FARS2: variants seen among roughly 807,000 people sequenced by gnomAD.
FARS2 encodes the protein phenylalanyl-tRNA synthetase 2, mitochondrial.
Under a neutral mutation model 46.4 loss-of-function variants are expected in FARS2, and 40 were observed. The observed-to-expected ratio is 0.86, with a 90% confidence interval of 0.67 to 1.12. FARS2 has a LOEUF of 1.12. Among genes scored for constraint, FARS2 ranks in the 50% most tolerant of loss-of-function variants. FARS2 has a pLI of 0.00. For missense variants in FARS2, 513 were observed against 567.9 expected, an observed-to-expected ratio of 0.90 and a Z score of 0.98; for synonymous variants, 234 against 214.9, an observed-to-expected ratio of 1.09 and a Z score of -0.78.
At chr6:5,602,031 T>C (rs189796389) in intron 5 of FARS2, among the ~76,000 whole-genome samples, 1 of 151,998 alleles carries the variant, frequency 6.6e-6, no homozygotes, top group African/African-American at 2.4e-5. Context: ...ATTTCTGAGC[T>C]GAGAAAGAAA....
chr6:5,494,124 T>G (rs60356198), intron 4 of FARS2, among the ~76,000 whole-genome samples: 14,897 of 146,304 alleles, frequency 0.1, 917 homozygotes, highest in African/African-American at 0.16. Context: ...CCTTTTTTTT[T>G]TCTTTTTTTT....
At chr6:5,531,178 A>C (rs953127166) in intron 4 of FARS2, among the ~76,000 whole-genome samples, 2 of 152,028 alleles carry the variant, frequency 1.3e-5, no homozygotes, top group African/African-American at 2.4e-5. Flanking sequence ...ATTTTATATC[A>C]CTCACATCTC....
intron 5 of FARS2, among the ~76,000 whole-genome samples, chr6:5,580,027 C>T (rs1773233553): frequency 6.6e-6 from 1 of 151,990 alleles, no homozygotes; most frequent in Non-Finnish European, 1.5e-5. Flanking sequence ...CGCAGTGGCT[C>T]ATGCCTGTAA....
intron 6 of FARS2, among the ~76,000 whole-genome samples, chr6:5,614,164 T>C (rs959846501): frequency 6.6e-5 from 10 of 152,110 alleles, no homozygotes; most frequent in Admixed American, 4.6e-4. Flanking sequence ...AGTGGGAAGC[T>C]ATAGAAGGAT....
chr6:5,525,596 CTG>C (rs1166276183), intron 4 of FARS2, among the ~76,000 whole-genome samples: 2 of 152,164 alleles, frequency 1.3e-5, no homozygotes, highest in Non-Finnish European at 2.9e-5. Context: ...ATAAAGAAAA[CTG>C]TGTGAGTGTC....
intron 6 of FARS2, among the ~76,000 whole-genome samples, chr6:5,667,616 A>G (rs1778211867): frequency 6.6e-6 from 1 of 152,214 alleles, no homozygotes. Context: ...ATTTGGCATT[A>G]AAGATAACCC....
chr6:5,517,304 G>A lies in FARS2; in HGVS notation c.905-27876G>A, dbSNP rs573866856. ...ATATGGCTTGTTCCAACAGATATGT[G>A]CTTTAAGTATAAATATACACTGAGG... On this transcript the variant is annotated intron_variant, in intron 4 of 6. Coordinates refer to ENST00000274680, the MANE Select transcript of FARS2 (RefSeq NM_006567.5). Among the ~76,000 whole-genome samples the A allele has an allele frequency of 4.6e-5, 7 of 152,178 alleles. No homozygotes were observed. The South Asian group carries it at 6.2e-4, about 14-fold the overall frequency.
At chr6:5,577,787 TTA>T (rs1332464944) in intron 5 of FARS2, among the ~76,000 whole-genome samples, 2 of 151,956 alleles carry the variant, frequency 1.3e-5, no homozygotes, top group African/African-American at 4.8e-5. Context: ...ATTTATTTAT[TTA>T]TTTATTTATT....
intron 4 of FARS2, among the ~76,000 whole-genome samples, chr6:5,450,649 C>T (rs1020482502): frequency 2.6e-5 from 4 of 152,072 alleles, no homozygotes; most frequent in African/African-American, 9.7e-5. Context: ...GTAGGCCTTA[C>T]AAAAACCAGA....
intron 4 of FARS2, among the ~76,000 whole-genome samples, chr6:5,434,180 G>A (rs980756228): frequency 5.3e-5 from 8 of 152,162 alleles, no homozygotes; most frequent in Non-Finnish European, 1.0e-4. Context: ...CGTGATCTCA[G>A]CCCACTGCAA....
At chr6:5,526,739 C>T (rs973856742) in intron 4 of FARS2, among the ~76,000 whole-genome samples, 10 of 152,118 alleles carry the variant, frequency 6.6e-5, no homozygotes, top group Admixed American at 1.3e-4. Context: ...ACCTCAGTCT[C>T]CCGAGTAACT....
At chr6:5,289,662 T>C (rs1319308731) in intron 1 of FARS2, among the ~76,000 whole-genome samples, 1 of 152,016 alleles carries the variant, frequency 6.6e-6, no homozygotes, top group African/African-American at 2.4e-5. Flanking sequence ...AGGAGGGGAC[T>C]AATCAGAGGC....
chr6:5,465,751 G>A (rs1582186979), intron 4 of FARS2, among the ~76,000 whole-genome samples: 1 of 151,484 alleles, frequency 6.6e-6, no homozygotes, highest in Non-Finnish European at 1.5e-5. Context: ...ATAAATGGAG[G>A]CATTAAAAGT....
rs552573012 is a variant in FARS2 at position 5,359,479 on chromosome 6, C to T, written c.-21-9071C>T. 3.9e-5 allele frequency among the ~76,000 whole-genome samples: 6 copies of T among 152,296 alleles called. 1 individual carries two copies. Among genetic ancestry groups the T allele is most frequent in the South Asian group, 4.1e-4 (2 of 4,822 alleles). On this transcript the variant is annotated intron_variant, in intron 1 of 6. Coordinates refer to ENST00000274680, the MANE Select transcript of FARS2 (RefSeq NM_006567.5). ...TTGTCTGCACAAAAGGTAGCTATTA[C>T]AAAAGAAGACTGAAGTGTCAAAGGA...
At chr6:5,656,300 G>A (rs564142353) in intron 6 of FARS2, among the ~76,000 whole-genome samples, 2 of 152,324 alleles carry the variant, frequency 1.3e-5, no homozygotes, top group South Asian at 2.1e-4. Flanking sequence ...ATCAGCTGTA[G>A]CTGGCTCCAA....
chr6:5,410,460 C>A (rs962426087), intron 3 of FARS2, among the ~76,000 whole-genome samples: 1 of 152,150 alleles, frequency 6.6e-6, no homozygotes, highest in Admixed American at 6.5e-5. Context: ...CTGCACCTGG[C>A]CGCGTTGTTC....
chr6:5,375,367 G>T lies in FARS2; in HGVS notation c.612+6185G>T, dbSNP rs554382671. ...TATAAATCTTGCATCAGATATTTGA[G>T]ATATTTATGGATAAAATTATTAAAT... On this transcript the variant is annotated intron_variant, in intron 2 of 6. Transcript: ENST00000274680. Among the ~76,000 whole-genome samples, 249 of 152,044 alleles carry T rather than the reference G, an allele frequency of 1.6e-3. 2 individuals carry two copies. Among genetic ancestry groups the T allele is most frequent in the African/African-American group, 5.6e-3 (232 of 41,518 alleles).
chr6:5,406,361 CCAGCAGAATCAATACATGAACATCTT>C (rs752933175), intron 3 of FARS2, among the ~76,000 whole-genome samples: 19 of 152,168 alleles, frequency 1.2e-4, no homozygotes, highest in Non-Finnish European at 2.2e-4. Flanking sequence ...CATGAAGCTA[CCAGCAGAATCAATACATGAACATCTT>C]CATTGTCCCC....
chr6:5,646,917 A>G (rs1439552209), intron 6 of FARS2, among the ~76,000 whole-genome samples: 2 of 152,192 alleles, frequency 1.3e-5, no homozygotes. Context: ...AGGACCAACT[A>G]TATTTTGCTT....
Sources: gnomAD v4.1 joint callset for allele counts (sites outside exome capture counted in the v4.1 genomes callset) on GRCh38, gnomAD v4.1.1 for gene constraint, MANE v1.5 for transcripts, NCBI Gene and HGNC (gene_info 2026-07-23, HGNC 2026-07-21) for gene names.